Variants in ANKRD36C observed in about 807,000 individuals in gnomAD.
The protein encoded by ANKRD36C is ankyrin repeat domain 36C.
A neutral mutation model predicts 276.4 loss-of-function variants in ANKRD36C; 61 were observed. The observed-to-expected ratio is 0.22, with a 90% CI of 0.18 to 0.27. ANKRD36C has a LOEUF of 0.27. Among genes scored for constraint, ANKRD36C ranks in the 10% least tolerant of loss-of-function variants. ANKRD36C has a pLI of 1.00. For synonymous variants in ANKRD36C, 483 were observed against 680.1 expected (o/e 0.71, Z 4.51); for missense variants, 1,447 against 2,032.3 (o/e 0.71, Z 5.54).
intron 59 of ANKRD36C, among the ~76,000 whole-genome samples, chr2:95,868,406 G>T (rs1319709219): frequency 6.6e-6 from 1 of 151,900 alleles, no homozygotes; most frequent in Non-Finnish European, 1.5e-5. Flanking sequence ...CCAATTAGCG[G>T]TGTTTTGGTT....
intron 10 of ANKRD36C, among the ~76,000 whole-genome samples, chr2:95,959,797 C>T (rs1558656982): frequency 1.3e-5 from 2 of 152,154 alleles, no homozygotes; most frequent in Non-Finnish European, 1.5e-5. Flanking sequence ...ATCTCTGATG[C>T]CCAATAATAA....
intron 6 of ANKRD36C, among the ~76,000 whole-genome samples, chr2:95,975,970 T>C (rs1258893981): frequency 6.6e-6 from 1 of 152,072 alleles, no homozygotes; most frequent in Non-Finnish European, 1.5e-5. Context: ...GGGCGAAGGA[T>C]ATGAACAGAC....
At chr2:95,876,745 G>A (rs1021284070) in intron 58 of ANKRD36C, among the ~76,000 whole-genome samples, 13 of 145,076 alleles carry the variant, frequency 9.0e-5, no homozygotes, top group African/African-American at 1.3e-4. Context: ...CCAGCTAGTC[G>A]GGAGGCTGGT....
intron 26 of ANKRD36C, among the ~76,000 whole-genome samples, chr2:95,928,023 G>A (rs1677457493): frequency 6.6e-6 from 1 of 151,584 alleles, no homozygotes; most frequent in African/African-American, 2.4e-5. Context: ...CACTAGTTTA[G>A]CCTTCTGAAA....
At chr2:95,864,559 C>A (rs974011113) in intron 60 of ANKRD36C, among the ~76,000 whole-genome samples, 1 of 151,872 alleles carries the variant, frequency 6.6e-6, no homozygotes, top group African/African-American at 2.4e-5. Flanking sequence ...CTAGTTAATG[C>A]AGTCAGGCAA....
chr2:95,980,265 G>A (rs1275404212), intron 5 of ANKRD36C, among the ~76,000 whole-genome samples: 1 of 152,092 alleles, frequency 6.6e-6, no homozygotes, highest in Non-Finnish European at 1.5e-5. Context: ...ATGGTCCCCA[G>A]TGCACAGCAC....
chr2:95,872,297 C>T (rs550971005), intron 59 of ANKRD36C, among the ~76,000 whole-genome samples: 67 of 146,284 alleles, frequency 4.6e-4, no homozygotes, highest in Non-Finnish European at 7.8e-4. Flanking sequence ...TGTAAAAGAA[C>T]GAAAGTATAA....
At chr2:95,960,858 G>A (rs983434157) in intron 8 of ANKRD36C, among the ~76,000 whole-genome samples, 191 bp from the exon 9 acceptor site, 1 of 150,632 alleles carries the variant, frequency 6.6e-6, no homozygotes, top group Non-Finnish European at 1.5e-5. Flanking sequence ...TAGTCTTCAC[G>A]CAACAAACAC....
chr2:95,936,400 T>C (rs1403028579), intron 22 of ANKRD36C, among the ~76,000 whole-genome samples: 2 of 152,232 alleles, frequency 1.3e-5, no homozygotes, highest in African/African-American at 4.8e-5. Flanking sequence ...TATTTCTTGA[T>C]TGTTTTGCTT....
intron 6 of ANKRD36C, among the ~76,000 whole-genome samples, chr2:95,966,392 C>A (rs1452408977): frequency 1.3e-5 from 2 of 152,176 alleles, no homozygotes; most frequent in African/African-American, 4.8e-5. Flanking sequence ...ACAAGGCTAG[C>A]CAGTTTTCCC....
At chr2:95,971,496 G>A (rs1427680628) in intron 6 of ANKRD36C, among the ~76,000 whole-genome samples, 1 of 151,742 alleles carries the variant, frequency 6.6e-6, no homozygotes, top group Non-Finnish European at 1.5e-5. Flanking sequence ...TTAAAATAAA[G>A]TTATTAATTT....
At chr2:95,981,988 T>C (rs185544513) in intron 4 of ANKRD36C, among the ~76,000 whole-genome samples, 8 of 152,290 alleles carry the variant, frequency 5.3e-5, no homozygotes, top group Admixed American at 3.3e-4. Flanking sequence ...CATCTATCAA[T>C]ATACAGAGCT....
intron 20 of ANKRD36C, among the ~76,000 whole-genome samples, chr2:95,940,546 A>G (rs1429768357): frequency 1.3e-5 from 2 of 152,180 alleles, no homozygotes; most frequent in African/African-American, 4.8e-5. Context: ...CAGTTCACTA[A>G]CAAACATGAA....
In ANKRD36C at chr2:95,966,657, G is replaced by A. The variant is rs182714498; in HGVS notation, c.800-4110C>T. Among the ~76,000 whole-genome samples the A allele has an allele frequency of 1.3e-3, 204 of 152,018 alleles. 1 individual carries two copies. Among genetic ancestry groups the A allele is most frequent in the Admixed American group, 3.9e-3 (59 of 15,252 alleles). Reference sequence around the variant, plus strand: ...TCTTGGCTATATGGGCTCTTTTTTTGGTTCCATATGAAATTTAAAGTAGTT... The same window carrying A: ...TCTTGGCTATATGGGCTCTTTTTTTAGTTCCATATGAAATTTAAAGTAGTT... On this transcript the variant is annotated intron_variant, in intron 6 of 66. Coordinates refer to ENST00000456556, the Ensembl canonical transcript of ANKRD36C.
At chr2:95,984,112 A>G (rs1268094262) in intron 3 of ANKRD36C, among the ~76,000 whole-genome samples, 2 of 152,094 alleles carry the variant, frequency 1.3e-5, no homozygotes, top group Non-Finnish European at 1.5e-5. Context: ...GTTCAACCCG[A>G]TTACCAAAGG....
chr2:95,912,554 G>A, intron 40 of ANKRD36C, 119 bp from the exon 43 acceptor site: 1 of 1,554,994 alleles, frequency 6.4e-7, no homozygotes, highest in Non-Finnish European at 8.7e-7. Flanking sequence ...AGGCTTTGAT[G>A]GCTTCTATTT....
chr2:95,947,913 G>C (rs1236374719), intron 17 of ANKRD36C, among the ~76,000 whole-genome samples: 1 of 152,070 alleles, frequency 6.6e-6, no homozygotes, highest in East Asian at 1.9e-4. Context: ...TTGAACTCTT[G>C]AATAGGTGGG....
At chr2:95,964,730 A>ATATTATGAGT (rs1310658454) in intron 6 of ANKRD36C, among the ~76,000 whole-genome samples, 2 of 151,944 alleles carry the variant, frequency 1.3e-5, no homozygotes, top group African/African-American at 4.8e-5. Flanking sequence ...CTTTCACATC[A>ATATTATGAGT]TATTATGAGT....
chr2:95,985,383 C>T (rs1199566796), intron 3 of ANKRD36C, among the ~76,000 whole-genome samples: 1 of 152,174 alleles, frequency 6.6e-6, no homozygotes, highest in East Asian at 1.9e-4. Context: ...ATTTATATTA[C>T]ACTTATCTAT....
Sources: gnomAD v4.1 joint callset for allele counts (sites outside exome capture counted in the v4.1 genomes callset) on GRCh38, gnomAD v4.1.1 for gene constraint, MANE v1.5 for transcripts, NCBI Gene and HGNC (gene_info 2026-07-23, HGNC 2026-07-21) for gene names.